Variants in UNC13C observed in about 807,000 individuals in gnomAD.
The protein encoded by UNC13C is protein unc-13 homolog C.
Under a neutral mutation model 245.4 loss-of-function variants are expected in UNC13C, and 174 were observed. The observed-to-expected ratio is 0.71, with a 90% CI of 0.63 to 0.80. The LOEUF (loss-of-function observed/expected upper bound fraction) is 0.80. Among genes scored for constraint, UNC13C ranks in the 30% least tolerant of loss-of-function variants. UNC13C has a pLI of 0.00. For synonymous variants in UNC13C, 992 were observed against 895.1 expected (o/e 1.11, Z -1.93); for missense variants, 2,829 against 2,602.9 (o/e 1.09, Z -1.89).
chr15:53,889,160 A>G, the UNC13C span, among the ~76,000 whole-genome samples: 11 of 152,228 alleles, frequency 7.2e-5, no homozygotes, highest in South Asian at 4.2e-4. Context: ...CACTTTCACG[A>G]TATTGATTCT....
intron 2 of UNC13C, among the ~76,000 whole-genome samples, chr15:54,020,378 G>C (rs373405230): frequency 6.7e-6 from 1 of 148,240 alleles, no homozygotes; most frequent in Non-Finnish European, 1.5e-5. Context: ...GGGTTCAAGC[G>C]ATTCTCCTGC....
At chr15:54,404,804 A>C (rs2040260347) in intron 18 of UNC13C, among the ~76,000 whole-genome samples, 1 of 152,176 alleles carries the variant, frequency 6.6e-6, no homozygotes, top group Non-Finnish European at 1.5e-5. Context: ...ATTTATTTGT[A>C]GTTAATGTAT....
intron 2 of UNC13C, among the ~76,000 whole-genome samples, chr15:54,020,441 A>ATTT (rs35981072): frequency 6.3e-4 from 67 of 106,792 alleles, no homozygotes; most frequent in South Asian, 1.8e-3. Flanking sequence ...CGCCCAGCTA[A>ATTT]TTTTTTTTTT....
rs1486812157 is a variant in UNC13C at position 54,628,394 on chromosome 15, C to G, written c.*1281C>G. 1 of 139,134 alleles carries G rather than the reference C, an allele frequency of 7.2e-6. No individual in the cohort carries two copies. Among genetic ancestry groups the G allele is most frequent in the Non-Finnish European group, 1.6e-5 (1 of 61,300 alleles). 8.6% of individuals were successfully genotyped at this position (139,134 alleles called of 1,614,324 possible). A position where few individuals can be genotyped will look rare whatever the true frequency, so the allele number is the denominator to read the frequency against. On this transcript the variant is annotated 3_prime_UTR_variant, in exon 33 of 33. Coordinates refer to ENST00000260323, the MANE Select transcript of UNC13C (RefSeq NM_001080534.3). Reference sequence around the variant, plus strand: ...GCCTGTTATGATTGTGCTTTGTGAACAAGCTGATCTAATACGTTAAGTACA... The same window carrying G: ...GCCTGTTATGATTGTGCTTTGTGAAGAAGCTGATCTAATACGTTAAGTACA...
In UNC13C at chr15:54,445,391, T is replaced by C. The variant is rs149232681; in HGVS notation, c.4933+30324T>C. 5.0e-3 allele frequency among the ~76,000 whole-genome samples: 762 copies of C among 152,308 alleles called. 6 individuals are homozygous for C. The highest frequency in any genetic ancestry group is 0.017 in the African/African-American group (712 of 41,576). On this transcript the variant is annotated intron_variant, in intron 19 of 32. Coordinates refer to ENST00000260323, the MANE Select transcript of UNC13C (RefSeq NM_001080534.3). ...GGAATGGGCACACTGTCTTCTACAA[T>C]GGTTGAACTAGTTTACAGTCCCACC...
At chr15:54,469,396 A>G (rs556042406) in intron 19 of UNC13C, among the ~76,000 whole-genome samples, 4 of 151,230 alleles carry the variant, frequency 2.6e-5, no homozygotes, top group Non-Finnish European at 4.4e-5. Context: ...TTCCTTTCCC[A>G]TTTGGATGCC....
At chr15:54,176,965 A>G (rs897346951) in intron 4 of UNC13C, among the ~76,000 whole-genome samples, 1 of 152,104 alleles carries the variant, frequency 6.6e-6, no homozygotes, top group Admixed American at 6.5e-5. Flanking sequence ...TAGCATTGAG[A>G]TTGATGTTAT....
Position 54,445,428 on chromosome 15 carries a change from AG to A in UNC13C, c.4933+30362del, listed in dbSNP as rs529378049. ...TTTACAGTCCCACCAATGGTGTAAA[AG>A]TGTTCCTATTTCTCCACATCCTCTC... On this transcript the variant is annotated intron_variant, in intron 19 of 32. Coordinates refer to ENST00000260323, the MANE Select transcript of UNC13C (RefSeq NM_001080534.3). 5.0e-3 allele frequency among the ~76,000 whole-genome samples: 760 copies of A among 152,252 alleles called. 6 individuals carry two copies. The highest frequency in any genetic ancestry group is 0.017 in the African/African-American group (710 of 41,556).
intron 4 of UNC13C, among the ~76,000 whole-genome samples, chr15:54,145,072 A>G (rs2141240673): frequency 6.6e-6 from 1 of 152,048 alleles, no homozygotes; most frequent in Middle Eastern, 3.4e-3. Flanking sequence ...AATTACATAC[A>G]TGAGCCACCG....
chr15:54,307,640 G>A (rs1296957002), intron 13 of UNC13C, among the ~76,000 whole-genome samples: 3 of 151,948 alleles, frequency 2.0e-5, no homozygotes, highest in Non-Finnish European at 4.4e-5. Flanking sequence ...TCCAAGCACA[G>A]ATGAGAAGTG....
chr15:54,526,612 C>T (rs1382480611), intron 25 of UNC13C, among the ~76,000 whole-genome samples: 11 of 151,756 alleles, frequency 7.2e-5, no homozygotes, highest in Admixed American at 2.0e-4. Context: ...GGCGTGGTGA[C>T]GGGCACCTGT....
intron 13 of UNC13C, chr15:54,321,241 A>G: frequency 4.1e-6 from 2 of 487,038 alleles, no homozygotes; most frequent in Non-Finnish European, 8.1e-6. Context: ...TACACAAGCA[A>G]GACCCCTTTT....
At chr15:54,403,294 T>C (rs1200300982) in intron 18 of UNC13C, among the ~76,000 whole-genome samples, 1 of 152,144 alleles carries the variant, frequency 6.6e-6, no homozygotes, top group Admixed American at 6.5e-5. Flanking sequence ...TATGCCTAGC[T>C]ACTTGGGAGG....
intron 2 of UNC13C, chr15:54,050,946 G>T: frequency 3.7e-6 from 2 of 537,664 alleles, no homozygotes; most frequent in South Asian, 1.4e-5. Flanking sequence ...GAAAGCAGTG[G>T]CAATTGCTTT....
intron 13 of UNC13C, among the ~76,000 whole-genome samples, chr15:54,308,925 G>T (rs1000476450): frequency 6.6e-6 from 1 of 151,660 alleles, no homozygotes. Flanking sequence ...CAGTTACATT[G>T]ATTTCATATC....
chr15:54,362,875 G>T (rs2039267976), intron 17 of UNC13C, among the ~76,000 whole-genome samples: 1 of 152,168 alleles, frequency 6.6e-6, no homozygotes, highest in African/African-American at 2.4e-5. Context: ...ATCATGAAAG[G>T]CTTCTAGGAT....
chr15:54,559,960 C>T (rs1165101773), intron 29 of UNC13C, among the ~76,000 whole-genome samples: 1 of 151,922 alleles, frequency 6.6e-6, no homozygotes, highest in Admixed American at 6.6e-5. Context: ...AAGAGAAACA[C>T]TGAAATATTT....
upstream of UNC13C, among the ~76,000 whole-genome samples, chr15:53,977,957 A>G (rs1893765291): frequency 6.6e-6 from 1 of 152,234 alleles, no homozygotes; most frequent in Non-Finnish European, 1.5e-5. Context: ...CCACAAAAAT[A>G]AGAGGAAAAA....
At chr15:54,268,318 C>T (rs2140896407) in intron 10 of UNC13C, among the ~76,000 whole-genome samples, 1 of 152,158 alleles carries the variant, frequency 6.6e-6, no homozygotes, top group African/African-American at 2.4e-5. Flanking sequence ...GTCTTTGCAT[C>T]TTCCATGCCT....
Sources: allele counts gnomAD v4.1 joint callset (sites outside exome capture counted in the v4.1 genomes callset), GRCh38; gene constraint gnomAD v4.1.1; transcripts MANE v1.5; gene names NCBI Gene and HGNC (gene_info 2026-07-23, HGNC 2026-07-21).